Variants in CELF2 observed in about 807,000 individuals in gnomAD.
CELF2 encodes the protein CUG triplet repeat RNA-binding protein 2.
CELF2 carries 8 observed loss-of-function variants against 62.6 expected under a neutral mutation model. The ratio of observed to expected loss-of-function variants is 0.13; its 90% CI spans 0.07 to 0.23. The LOEUF (loss-of-function observed/expected upper bound fraction) is 0.23, where lower values mean the gene tolerates loss of function less well. CELF2 is among the 10% of genes least tolerant of loss of function. The probability of loss-of-function intolerance (pLI) is 1.00; values close to 1 mark genes in which losing one functional copy is unlikely to be tolerated. For synonymous variants in CELF2, 258 were observed against 250.0 expected (o/e 1.03, Z -0.30); for missense variants, 333 against 671.0 (o/e 0.50, Z 5.56).
chr10:10,502,008 C>G, the CELF2 span, among the ~76,000 whole-genome samples: 1 of 152,046 alleles, frequency 6.6e-6, no homozygotes, highest in Non-Finnish European at 1.5e-5. Context: ...TCTGTATCAA[C>G]TGGTGTTATC....
the CELF2 span, among the ~76,000 whole-genome samples, chr10:10,635,400 C>A: frequency 6.6e-6 from 1 of 152,134 alleles, no homozygotes. Context: ...ATTCCATGTA[C>A]CAGTTTATCA....
chr10:11,296,268 T>C lies in CELF2; in HGVS notation c.976+7716T>C, dbSNP rs945765739. ...TTTTGCTGTTGGTGGCGCTGGACTC[T>C]GTGCTAAGTGTGATTTGTTTTTAAA... On this transcript the variant is annotated intron_variant, in intron 9 of 12. Coordinates refer to ENST00000633077, the MANE Select transcript of CELF2 (RefSeq NM_001326342.2). The surrounding 1 kb of genome is among the most constrained non-coding windows in gnomAD (Gnocchi z 5.0). 6.6e-6 allele frequency among the ~76,000 whole-genome samples: 1 copy of C among 152,210 alleles called. No homozygotes were observed. Among genetic ancestry groups the C allele is most frequent in the Non-Finnish European group, 1.5e-5 (1 of 68,044 alleles).
the CELF2 span, among the ~76,000 whole-genome samples, chr10:10,626,365 G>A: frequency 3.3e-5 from 5 of 152,292 alleles, no homozygotes; most frequent in East Asian, 5.8e-4. Context: ...TAGGTATGGA[G>A]TAAATGAGAT....
chr10:10,872,987 A>G (rs1038745124), intron 1 of CELF2, among the ~76,000 whole-genome samples: 2 of 152,054 alleles, frequency 1.3e-5, no homozygotes, highest in African/African-American at 2.4e-5. Context: ...AACTTTCACC[A>G]TTCAAGTTTC....
chr10:10,789,415 T>C, the CELF2 span, among the ~76,000 whole-genome samples: 1 of 152,346 alleles, frequency 6.6e-6, no homozygotes, highest in East Asian at 1.9e-4. Flanking sequence ...CTAAGTTGCC[T>C]CTGATAGCTT....
intron 2 of CELF2, among the ~76,000 whole-genome samples, chr10:10,988,242 T>C (rs1209387702): frequency 1.3e-5 from 2 of 151,364 alleles, no homozygotes; most frequent in Non-Finnish European, 1.5e-5. Context: ...TATATAGATA[T>C]ATAGATATAC....
At chr10:10,780,563 C>A in the CELF2 span, among the ~76,000 whole-genome samples, 14 of 152,288 alleles carry the variant, frequency 9.2e-5, no homozygotes, top group East Asian at 2.7e-3. Context: ...TCACTGCAAC[C>A]TCTGCCTCCT....
At chr10:10,830,301 G>T (rs1484572877) in intron 1 of CELF2, among the ~76,000 whole-genome samples, 1 of 130,116 alleles carries the variant, frequency 7.7e-6, no homozygotes, top group Non-Finnish European at 1.6e-5. Flanking sequence ...AAAAAAAGCC[G>T]ACAGAAGGAT....
At chr10:10,626,496 T>C in the CELF2 span, among the ~76,000 whole-genome samples, 1 of 152,124 alleles carries the variant, frequency 6.6e-6, no homozygotes. Flanking sequence ...CAGCTACTGA[T>C]AAAGCTTTCA....
At position 11,039,075 on chromosome 10, in the gene CELF2, G is replaced by T. The variant is rs2061408498; in HGVS notation, c.74+20912G>T. ...CCTGGACAAGTGTGCACACGCGCTTGCATCCACACCACTCTCATGGCATCG... is the reference window on the plus strand; with the variant it reads ...CCTGGACAAGTGTGCACACGCGCTTTCATCCACACCACTCTCATGGCATCG... On this transcript the variant is annotated intron_variant, in intron 1 of 12. Coordinates refer to ENST00000633077, the MANE Select transcript of CELF2 (RefSeq NM_001326342.2). The surrounding 1 kb of genome is among the most constrained non-coding windows in gnomAD (Gnocchi z 4.1). Among the ~76,000 whole-genome samples the T allele has an allele frequency of 1.3e-5, 2 of 152,204 alleles. No individual in the cohort carries two copies. Among genetic ancestry groups the T allele is most frequent in the Admixed American group, 1.3e-4 (2 of 15,280 alleles).
At position 10,881,762 on chromosome 10, in the gene CELF2, G is replaced by A. The variant is rs117421520; in HGVS notation, c.54-38202G>A. ...CTGCTAGAATCCCTTTTTTTCAGATGTGGTACTTAAGAGCAAGTTGTTATG... is the reference window on the plus strand; with the variant it reads ...CTGCTAGAATCCCTTTTTTTCAGATATGGTACTTAAGAGCAAGTTGTTATG... On this transcript the variant is annotated intron_variant, in intron 1 of 13. Transcript: ENST00000636488. 4.6e-3 allele frequency among the ~76,000 whole-genome samples: 697 copies of A among 152,090 alleles called. 1 individual carries two copies. Among genetic ancestry groups the A allele is most frequent in the Middle Eastern group, 0.027 (8 of 292 alleles).
rs1010192623 is a variant in CELF2 at position 11,331,387 on chromosome 10, T to C, written c.*2334T>C. ...TTCCAGAATAAGTTTTGTGTTGGCTTGTGAAGCATTGATGTCATTTTTTTT... is the reference window on the plus strand; with the variant it reads ...TTCCAGAATAAGTTTTGTGTTGGCTCGTGAAGCATTGATGTCATTTTTTTT... On this transcript the variant is annotated 3_prime_UTR_variant, in exon 13 of 13. Transcript: ENST00000633077. 5 of 152,060 alleles carry C rather than the reference T, an allele frequency of 3.3e-5. No individual in the cohort carries two copies. Among genetic ancestry groups the C allele is most frequent in the African/African-American group, 1.2e-4 (5 of 41,346 alleles). 9.4% of individuals were successfully genotyped at this position (152,060 alleles called of 1,614,324 possible).
At chr10:10,474,110 G>A in the CELF2 span, among the ~76,000 whole-genome samples, 2 of 151,956 alleles carry the variant, frequency 1.3e-5, no homozygotes, top group Non-Finnish European at 2.9e-5. Flanking sequence ...TGGATATTCA[G>A]GGAAATAGTA....
At chr10:11,148,537 TCTCA>T (rs933488100) in intron 1 of CELF2, among the ~76,000 whole-genome samples, 6 of 152,196 alleles carry the variant, frequency 3.9e-5, no homozygotes, top group African/African-American at 1.4e-4. Flanking sequence ...AGTTTGACAC[TCTCA>T]CTGTCTGCTG....
At chr10:10,830,808 C>G (rs1004297306) in intron 1 of CELF2, among the ~76,000 whole-genome samples, 8 of 152,212 alleles carry the variant, frequency 5.3e-5, no homozygotes, top group African/African-American at 1.7e-4. Flanking sequence ...GTGTGTTAGT[C>G]ATTTTTGGTT....
At chr10:11,007,371 A>G (rs1240351591) in intron 1 of CELF2, among the ~76,000 whole-genome samples, 2 of 152,198 alleles carry the variant, frequency 1.3e-5, no homozygotes, top group African/African-American at 4.8e-5. Flanking sequence ...GTTTTTTTCA[A>G]TTTAAGTTGA....
the CELF2 span, among the ~76,000 whole-genome samples, chr10:10,587,233 G>T: frequency 2.0e-5 from 3 of 152,288 alleles, no homozygotes; most frequent in Admixed American, 6.5e-5. Context: ...TGTGTAGCCC[G>T]CATGGGGATT....
chr10:10,651,333 A>C, the CELF2 span, among the ~76,000 whole-genome samples: 1 of 148,384 alleles, frequency 6.7e-6, no homozygotes, highest in African/African-American at 2.5e-5. Context: ...TAGGTAAACA[A>C]AGCAGCGGGG....
chr10:11,086,081 T>C (rs1313626705), intron 1 of CELF2, among the ~76,000 whole-genome samples: 2 of 152,144 alleles, frequency 1.3e-5, no homozygotes. Context: ...TCAAAATATA[T>C]TTGACAATCT....
Sources: gnomAD v4.1 joint callset for allele counts (sites outside exome capture counted in the v4.1 genomes callset) on GRCh38, gnomAD v4.1.1 for gene constraint, Gnocchi (gnomAD v3.1) non-coding constraint, MANE v1.5 for transcripts, NCBI Gene and HGNC (gene_info 2026-07-23, HGNC 2026-07-21) for gene names.